RTN2: variants seen among roughly 807,000 people sequenced by gnomAD.
The protein encoded by RTN2 is reticulon-2.
A neutral mutation model predicts 63.7 loss-of-function variants in RTN2; 36 were observed. The ratio of observed to expected loss-of-function variants is 0.56; its 90% CI spans 0.43 to 0.75. RTN2 has a LOEUF of 0.75. RTN2 is among the 30% of genes least tolerant of loss of function. RTN2 has a pLI of 0.00. For missense variants in RTN2, 673 were observed against 705.1 expected (o/e 0.95, Z 0.52); for synonymous variants, 312 against 313.0 (o/e 1.00, Z 0.03).
In RTN2 at chr19:45,489,329, G is replaced by A; in HGVS notation, c.1241+17C>T. ...GGGTCAGGACAGGGGCTCAGGTCAGGGGCCGGGGGTTCTCACTGGAAAGGG... is the reference window on the plus strand; with the variant it reads ...GGGTCAGGACAGGGGCTCAGGTCAGAGGCCGGGGGTTCTCACTGGAAAGGG... On this transcript the variant is annotated intron_variant, in intron 6 of 10. Coordinates refer to ENST00000245923, the MANE Select transcript of RTN2 (RefSeq NM_005619.5). 6.4e-7 allele frequency: 1 copy of A among 1,550,924 alleles called. No homozygotes were observed. Among genetic ancestry groups the A allele is most frequent in the Non-Finnish European group, 8.7e-7 (1 of 1,147,334 alleles).
In RTN2 at chr19:45,485,398, C is replaced by A; in HGVS notation, c.*310G>T. On this transcript the variant is annotated 3_prime_UTR_variant, in exon 11 of 11. Transcript: ENST00000245923. ...GCTAGTAGCATCCAGGAGACACCAA[C>A]GCCTCACGGCGCCTCCAGCGGCGGG... 3 of 401,672 alleles carry A rather than the reference C, an allele frequency of 7.5e-6. No homozygotes were observed. The highest frequency in any genetic ancestry group is 1.4e-5 in the Non-Finnish European group (3 of 217,746). 24.9% of individuals were successfully genotyped at this position (401,672 alleles called of 1,614,324 possible).
rs1212642174 is a variant in RTN2, at chr19:45,489,366, C to T, written c.1221G>A (p.Gly407=). The change falls in exon 6 of 11, where the codon GGG becomes GGA. Residue 407 remains glycine, a synonymous_variant. Coordinates refer to ENST00000245923, the MANE Select transcript of RTN2 (RefSeq NM_005619.5). ...YRKVLQAVHR[G]DGANPFQAYL... is the part of the protein sequence containing the mutation. ...CTCACTGGAAAGGGTTGGCTCCATC[C>T]CCCCGGTGCACGGCCTGCAGCACTT... The T allele has an allele frequency of 3.8e-6, 6 of 1,571,216 alleles. No homozygotes were observed. The highest frequency in any genetic ancestry group is 1.2e-5 in the South Asian group (1 of 85,420).
chr19:45,489,333 CG>C lies in RTN2; in HGVS notation c.1241+12del. The C allele has an allele frequency of 6.4e-7, 1 of 1,552,286 alleles. No individual in the cohort carries two copies. Among genetic ancestry groups the C allele is most frequent in the African/African-American group, 1.4e-5 (1 of 73,244 alleles). The stretch of plus-strand genomic sequence containing the variant: ...CAGGACAGGGGCTCAGGTCAGGGGC[CG>C]GGGGTTCTCACTGGAAAGGGTTGGC... On this transcript the variant is annotated intron_variant, in intron 6 of 10. Transcript: ENST00000245923.
intron 4 of RTN2, chr19:45,493,744 ATTTTAT>A (rs2122225290): frequency 3.7e-6 from 1 of 269,172 alleles, no homozygotes; most frequent in Non-Finnish European, 7.0e-6. Flanking sequence ...GGATTATTTT[ATTTTAT>A]TTTTATTTTT....
chr19:45,485,354 G>A lies in RTN2; in HGVS notation c.*354C>T. The A allele has an allele frequency of 3.6e-6, 1 of 279,738 alleles. No individual in the cohort carries two copies. The highest frequency in any genetic ancestry group is 6.9e-6 in the Non-Finnish European group (1 of 144,936). 17.3% of individuals were successfully genotyped at this position (279,738 alleles called of 1,614,324 possible). On this transcript the variant is annotated 3_prime_UTR_variant, in exon 11 of 11. Coordinates refer to ENST00000245923, the MANE Select transcript of RTN2 (RefSeq NM_005619.5). ...AGCTCAGGCCTCCCCTGGGCCCCAT[G>A]CAAAGCCCCGGCGTTGGGGCTAGTA...
Position 45,485,797 on chromosome 19 carries a change from A to G in RTN2, c.1557-8T>C. 6.2e-7 allele frequency: 1 copy of G among 1,611,514 alleles called. No individual in the cohort carries two copies. The highest frequency in any genetic ancestry group is 8.5e-7 in the Non-Finnish European group (1 of 1,177,912). ...GGGATTTTAGCTCGGATCCTGAAGG[A>G]GAAACAGGTGGGATCACGAGGTGGG... is the stretch of plus-strand genomic sequence containing the variant. On this transcript the variant is annotated splice_region_variant and splice_polypyrimidine_tract_variant and intron_variant, in intron 10 of 10. Coordinates refer to ENST00000245923, the MANE Select transcript of RTN2 (RefSeq NM_005619.5).
chr19:45,486,177 G>C, intron 9 of RTN2, 64 bp from the exon 10 acceptor site: 1 of 1,462,906 alleles, frequency 6.8e-7, no homozygotes, highest in South Asian at 1.2e-5. Context: ...AGTCACATAG[G>C]AGGCTGCTTC....
Position 45,494,611 on chromosome 19 carries a change from C to T in RTN2, c.474G>A (p.Glu158=). Residue 158 remains glutamate (E), a synonymous_variant, in exon 3 of 11, where the codon GAG becomes GAA. Coordinates refer to ENST00000245923, the MANE Select transcript of RTN2 (RefSeq NM_005619.5). The surrounding 1 kb of genome is among the most constrained non-coding windows in gnomAD (Gnocchi z 5.3). The part of the protein sequence containing the change: ...GWVARGTGSG[E]DSSTSSSTPL... ...GGGTGGAGCTGCTGGTGGAAGAGTC[C>T]TCCCCGGATCCCGTTCCCCGGGCCA... 6.2e-7 allele frequency: 1 copy of T among 1,614,010 alleles called. No individual in the cohort carries two copies. The highest frequency in any genetic ancestry group is 8.5e-7 in the Non-Finnish European group (1 of 1,180,038).
intron 1 of RTN2, 150 bp downstream of exon 1, chr19:45,496,642 C>G: frequency 2.1e-6 from 1 of 468,884 alleles, no homozygotes; most frequent in East Asian, 3.6e-5. Flanking sequence ...CCGTCGCCGC[C>G]AGAGCGCGGG....
chr19:45,494,673 C>T lies in RTN2; in HGVS notation c.412G>A (p.Glu138Lys). The T allele has an allele frequency of 6.2e-7, 1 of 1,613,832 alleles. No individual in the cohort carries two copies. Among genetic ancestry groups the T allele is most frequent in the Non-Finnish European group, 8.5e-7 (1 of 1,180,008 alleles). Residue 138 changes from glutamate (E) to lysine (K), a missense_variant, in exon 3 of 11, where the codon GAA becomes AAA. Physicochemically the swap from Glu to Lys is moderately conservative, Grantham distance 56. Transcript: ENST00000245923. The surrounding 1 kb of genome is among the most constrained non-coding windows in gnomAD (Gnocchi z 5.3). ...TGGTCCAACCGAAGCCTCAGGTCTTCCAGAGGGCGCTCGGATGGAGGCGCG... is the reference window on the plus strand; with the variant it reads ...TGGTCCAACCGAAGCCTCAGGTCTTTCAGAGGGCGCTCGGATGGAGGCGCG... ...DTAPPSERPL[E>K]DLRLRLDHLG...
In RTN2 at chr19:45,485,714, G is replaced by A; in HGVS notation, c.1632C>T (p.Ala544=). ...GCGGGCAGAGACACCGTTCTCATTC[G>A]GCTTTGGCTTTGGATCCGGAGACTG... ...AAAVSGSKAK[A]E Residue 544 remains alanine, a synonymous_variant, in exon 11 of 11, where the codon GCC becomes GCT. Coordinates refer to ENST00000245923, the MANE Select transcript of RTN2 (RefSeq NM_005619.5). 6 of 1,613,760 alleles carry A rather than the reference G, an allele frequency of 3.7e-6. No homozygotes were observed. The highest frequency in any genetic ancestry group is 5.1e-6 in the Non-Finnish European group (6 of 1,179,776).
At position 45,494,568 on chromosome 19, in the gene RTN2, G is replaced by A; in HGVS notation, c.517C>T (p.Pro173Ser). Residue 173 changes from proline (P) to serine (S), a missense_variant, in exon 3 of 11, where the codon CCC becomes TCC. Physicochemically the swap from Pro to Ser is moderately conservative, Grantham distance 74 (BLOSUM62 -1). Coordinates refer to ENST00000245923, the MANE Select transcript of RTN2 (RefSeq NM_005619.5). This position sits in a 1 kb window ranked among gnomAD's most constrained non-coding sequence, Gnocchi z 5.3. ...SSSTPLEDEE[P>S]QEPNRLETGE... ...GTCTCCAATCTGTTGGGTTCTTGGG[G>A]TTCTTCGTCTTCCAGCGGGGTGGAG... 6.2e-7 allele frequency: 1 copy of A among 1,614,100 alleles called. No individual in the cohort carries two copies. The highest frequency in any genetic ancestry group is 8.5e-7 in the Non-Finnish European group (1 of 1,180,026).
At chr19:45,493,728 G>A (rs1968210263) in intron 4 of RTN2, among the ~76,000 whole-genome samples, 1 of 152,342 alleles carries the variant, frequency 6.6e-6, no homozygotes, top group East Asian at 1.9e-4. Flanking sequence ...CACTCCAGAA[G>A]AGGGAGGATT....
At position 45,496,877 on chromosome 19, in the gene RTN2, C is replaced by G; in HGVS notation, c.-52G>C. ...CCCCGCCCACTCCGGCTGTGCCGCC[C>G]TGGGCCCGGGGTCGCGGGCGCTCAT... On this transcript the variant is annotated 5_prime_UTR_variant, in exon 1 of 11. Coordinates refer to ENST00000245923, the MANE Select transcript of RTN2 (RefSeq NM_005619.5). The G allele has an allele frequency of 7.8e-7, 1 of 1,283,800 alleles. No individual in the cohort carries two copies. Among genetic ancestry groups the G allele is most frequent in the Non-Finnish European group, 1.0e-6 (1 of 969,646 alleles). 79.5% of individuals were successfully genotyped at this position (1,283,800 alleles called of 1,614,324 possible). A position where few individuals can be genotyped will look rare whatever the true frequency, so the allele number is the denominator to read the frequency against.
rs200948085 is a variant in RTN2 at position 45,489,483 on chromosome 19, G to A, written c.1104C>T (p.Leu368=). 2.2e-5 allele frequency: 35 copies of A among 1,613,010 alleles called. No homozygotes were observed. In the East Asian group the frequency reaches 7.1e-4, roughly 33 times the overall value. The change falls in exon 6 of 11, where the codon CTC becomes CTT. Residue 368 remains leucine, a synonymous_variant. Transcript: ENST00000245923. ...CGATGCTAAAGTGCAGGAGGCAGAG[G>A]AGGGAGACCATCAGGCCTGTGAAGA... is the stretch of plus-strand genomic sequence containing the variant. ...GVVFTGLMVS[L]LCLLHFSIVS...
intron 9 of RTN2, among the ~76,000 whole-genome samples, chr19:45,486,643 C>G (rs1202844626): frequency 6.6e-6 from 1 of 151,580 alleles, no homozygotes; most frequent in Non-Finnish European, 1.5e-5. Context: ...TCCCGAATAG[C>G]TGGGATTACA....
chr19:45,489,109 G>T, intron 6 of RTN2, 123 bp from the exon 7 acceptor site: 1 of 1,159,992 alleles, frequency 8.6e-7, no homozygotes, highest in Non-Finnish European at 1.2e-6. Context: ...CTGAGGGGCA[G>T]CTCAGAGGAA....
chr19:45,493,406 G>T (rs774131785), intron 4 of RTN2, 28 bp from the exon 5 acceptor site: 2 of 1,553,312 alleles, frequency 1.3e-6, no homozygotes, highest in Admixed American at 3.6e-5. Context: ...TTTAAAGTAA[G>T]GCTGGGTCAT....
chr19:45,488,756 T>C, intron 7 of RTN2, 50 bp from the exon 8 acceptor site: 1 of 1,602,856 alleles, frequency 6.2e-7, no homozygotes, highest in Non-Finnish European at 8.5e-7. Context: ...TTCCCTCTCA[T>C]GCTGTGAATT....
Sources: gnomAD v4.1 joint callset for allele counts (sites outside exome capture counted in the v4.1 genomes callset) on GRCh38, gnomAD v4.1.1 for gene constraint, Gnocchi (gnomAD v3.1) non-coding constraint, MANE v1.5 for transcripts, NCBI Gene and HGNC (gene_info 2026-07-23, HGNC 2026-07-21) for gene names.